MAB21L3: variants seen among roughly 807,000 people sequenced by gnomAD.
MAB21L3 encodes protein mab-21-like 3.
MAB21L3 carries 36 observed loss-of-function variants against 37.7 expected under a neutral mutation model. The observed-to-expected ratio is 0.96, with a 90% CI of 0.73 to 1.26. The LOEUF (loss-of-function observed/expected upper bound fraction) is 1.26, where lower values mean the gene tolerates loss of function less well. MAB21L3 is among the 50% of genes most tolerant of loss of function. The pLI is 0.00. For synonymous variants in MAB21L3, 186 were observed against 176.8 expected (o/e 1.05, Z -0.41); for missense variants, 430 against 447.3 (o/e 0.96, Z 0.35).
chr1:116,112,705 T>A, intron 3 of MAB21L3, 42 bp downstream of exon 3: 3 of 1,595,380 alleles, frequency 1.9e-6, no homozygotes, highest in Non-Finnish European at 2.6e-6. Context: ...CCCTCCCCAT[T>A]CACACTACTT....
intron 5 of MAB21L3, among the ~76,000 whole-genome samples, chr1:116,126,297 A>G (rs1424281193): frequency 1.3e-5 from 2 of 152,242 alleles, no homozygotes; most frequent in African/African-American, 4.8e-5. Flanking sequence ...AAGAAGGAGC[A>G]AATTGGAAAT....
chr1:116,128,534 A>G (rs1217158373), intron 7 of MAB21L3, among the ~76,000 whole-genome samples, 195 bp downstream of exon 7: 1 of 152,194 alleles, frequency 6.6e-6, no homozygotes, highest in East Asian at 1.9e-4. Flanking sequence ...CTAGCACCAT[A>G]TGGGAGTCCA....
intron 5 of MAB21L3, among the ~76,000 whole-genome samples, chr1:116,125,581 T>C (rs1184061629): frequency 2.0e-5 from 3 of 152,232 alleles, no homozygotes; most frequent in Non-Finnish European, 4.4e-5. Flanking sequence ...CTAAACAATA[T>C]GAGATTCCAT....
At chr1:116,118,122 A>AC (rs1659643471) in intron 3 of MAB21L3, among the ~76,000 whole-genome samples, 1 of 152,100 alleles carries the variant, frequency 6.6e-6, no homozygotes, top group Admixed American at 6.5e-5. Flanking sequence ...GGTGGCTCAC[A>AC]CCTGTAATCC....
At chr1:116,126,408 A>C (rs1041859122) in intron 5 of MAB21L3, among the ~76,000 whole-genome samples, 1 of 152,188 alleles carries the variant, frequency 6.6e-6, no homozygotes, top group Non-Finnish European at 1.5e-5. Flanking sequence ...ACTTCTTTCA[A>C]ATCACTCAAT....
intron 7 of MAB21L3, among the ~76,000 whole-genome samples, chr1:116,132,123 G>A (rs1292300395): frequency 2.0e-5 from 3 of 152,264 alleles, no homozygotes; most frequent in South Asian, 2.1e-4. Flanking sequence ...TACACGATAA[G>A]CAGGTCAGAG....
In MAB21L3 at chr1:116,133,140, C is replaced by T. The variant is rs772001299; in HGVS notation, c.864C>T (p.Leu288=). 3 of 1,614,048 alleles carry T rather than the reference C, an allele frequency of 1.9e-6. No individual in the cohort carries two copies. The highest frequency in any genetic ancestry group is 1.7e-5 in the Admixed American group (1 of 60,020). Residue 288 remains leucine (L), a synonymous_variant, in exon 8 of 8, where the codon CTC becomes CTT. Transcript: ENST00000369500. ...VITSHHLQTV[L]FWTCEKYPHF... is the part of the protein sequence containing the mutation. ...ACTTCTCCCTTCCACAGACTGTGCT[C>T]TTTTGGACCTGCGAGAAATATCCCC...
rs1002403306 is a variant in MAB21L3 at position 116,136,505 on chromosome 1, C to T, written c.*3140C>T. On this transcript the variant is annotated 3_prime_UTR_variant, in exon 8 of 8. Coordinates refer to ENST00000369500, the MANE Select transcript of MAB21L3 (RefSeq NM_152367.3). ...CAAACAAATGGAAGAACATTCCATGCTCATGGGTAGGAAGAATCAATATCG... is the reference window on the plus strand; with the variant it reads ...CAAACAAATGGAAGAACATTCCATGTTCATGGGTAGGAAGAATCAATATCG... Among the ~76,000 whole-genome samples the T allele has an allele frequency of 6.6e-6, 1 of 152,266 alleles. No individual in the cohort carries two copies. Among genetic ancestry groups the T allele is most frequent in the African/African-American group, 2.4e-5 (1 of 41,552 alleles).
At chr1:116,119,798 TTG>T (rs1042025395) in intron 3 of MAB21L3, among the ~76,000 whole-genome samples, 1 of 152,176 alleles carries the variant, frequency 6.6e-6, no homozygotes, top group African/African-American at 2.4e-5. Flanking sequence ...AAAAGTTCCT[TTG>T]TGTTTCCCAC....
chr1:116,115,748 A>G (rs1659571069), intron 3 of MAB21L3, among the ~76,000 whole-genome samples: 1 of 152,182 alleles, frequency 6.6e-6, no homozygotes, highest in South Asian at 2.1e-4. Context: ...TGAAGCAGTA[A>G]ATTATTCATG....
chr1:116,136,842 T>C lies in MAB21L3; in HGVS notation c.*3477T>C, dbSNP rs1660209241. Among the ~76,000 whole-genome samples, 1 of 146,470 alleles carries C rather than the reference T, an allele frequency of 6.8e-6. No individual in the cohort carries two copies. Among genetic ancestry groups the C allele is most frequent in the Admixed American group, 6.8e-5 (1 of 14,666 alleles). The stretch of plus-strand genomic sequence containing the variant: ...GCCGCATATCTACAACTATCTGATC[T>C]TTGACAAACCTGAGAAAAACAAGCA... On this transcript the variant is annotated 3_prime_UTR_variant, in exon 8 of 8. Transcript: ENST00000369500.
intron 5 of MAB21L3, among the ~76,000 whole-genome samples, chr1:116,126,849 G>C (rs558379090): frequency 6.6e-6 from 1 of 152,278 alleles, no homozygotes; most frequent in African/African-American, 2.4e-5. Flanking sequence ...TACATGTTTA[G>C]TAGAACCCAT....
chr1:116,111,976 C>G (rs979644133), intron 2 of MAB21L3, among the ~76,000 whole-genome samples, 166 bp downstream of exon 2: 4 of 152,022 alleles, frequency 2.6e-5, no homozygotes, highest in Non-Finnish European at 4.4e-5. Context: ...AAATGCCAAC[C>G]GTTGTGCTCT....
At chr1:116,111,958 G>T (rs1435093325) in intron 2 of MAB21L3, 148 bp downstream of exon 2, 1 of 156,464 alleles carries the variant, frequency 6.4e-6, no homozygotes, top group Non-Finnish European at 1.4e-5. Context: ...GTGTGTGCAT[G>T]CTTTTCTAAA....
At chr1:116,127,120 T>C (rs772114647) in intron 5 of MAB21L3, among the ~76,000 whole-genome samples, 73 of 152,352 alleles carry the variant, frequency 4.8e-4, no homozygotes, top group Non-Finnish European at 8.2e-4. Flanking sequence ...TTTTTCTTTT[T>C]ATTCTATGGC....
intron 3 of MAB21L3, among the ~76,000 whole-genome samples, chr1:116,115,425 C>CA (rs1442430418): frequency 6.6e-6 from 1 of 152,186 alleles, no homozygotes; most frequent in Non-Finnish European, 1.5e-5. Flanking sequence ...CCCTGAAAGA[C>CA]AGAGATGATG....
At position 116,133,335 on chromosome 1, in the gene MAB21L3, C is replaced by T; in HGVS notation, c.1059C>T (p.Phe353=). Residue 353 remains phenylalanine (F), a synonymous_variant, in exon 8 of 8, where the codon TTC becomes TTT. Coordinates refer to ENST00000369500, the MANE Select transcript of MAB21L3 (RefSeq NM_152367.3). ...CTGTGGCCCAAAAGCTGGCCACCTT[C>T]CTGAAGAACCCCCAGATCGGCCCGC... The part of the protein sequence containing the change: ...LDTVAQKLAT[F]LKNPQIGPP 1 of 1,614,208 alleles carries T rather than the reference C, an allele frequency of 6.2e-7. No individual in the cohort carries two copies. The highest frequency in any genetic ancestry group is 8.5e-7 in the Non-Finnish European group (1 of 1,180,048).
intron 3 of MAB21L3, among the ~76,000 whole-genome samples, chr1:116,113,240 A>C (rs913509269): frequency 1.3e-5 from 2 of 152,212 alleles, no homozygotes; most frequent in Non-Finnish European, 2.9e-5. Context: ...CTAAGGCATG[A>C]TGTTAATGTT....
At chr1:116,118,733 T>C (rs1250909681) in intron 3 of MAB21L3, among the ~76,000 whole-genome samples, 1 of 152,226 alleles carries the variant, frequency 6.6e-6, no homozygotes, top group African/African-American at 2.4e-5. Flanking sequence ...TTTGTGCGCC[T>C]CAGGCCTGGC....
Sources: allele counts gnomAD v4.1 joint callset (sites outside exome capture counted in the v4.1 genomes callset), GRCh38; gene constraint gnomAD v4.1.1; transcripts MANE v1.5; gene names NCBI Gene and HGNC (gene_info 2026-07-23, HGNC 2026-07-21).